MAP7D1: variants seen among roughly 807,000 people sequenced by gnomAD.
MAP7D1 encodes MAP7 domain-containing protein 1.
MAP7D1 carries 30 observed loss-of-function variants against 97.5 expected under a neutral mutation model. That is an observed-to-expected ratio of 0.31 (90% CI 0.23 to 0.42). MAP7D1 has a LOEUF of 0.42. MAP7D1 is among the 10% of genes least tolerant of loss of function. The pLI, the probability that MAP7D1 is intolerant of heterozygous loss-of-function variation, is 1.00. For missense variants in MAP7D1, 1,184 were observed against 1,179.5 expected (o/e 1.00, Z -0.06); for synonymous variants, 536 against 477.1 (o/e 1.12, Z -1.61).
At chr1:36,171,977 T>G in intron 3 of MAP7D1, 1 of 208,110 alleles carries the variant, frequency 4.8e-6, no homozygotes, top group Admixed American at 5.5e-5. Flanking sequence ...TCTGCAACAC[T>G]TAATTATGTG....
Position 36,176,434 on chromosome 1 carries a change from G to A in MAP7D1, c.1086G>A (p.Pro362=), listed in dbSNP as rs1384179411. The A allele has an allele frequency of 2.6e-6, 4 of 1,521,360 alleles. No individual in the cohort carries two copies. In the African/African-American group the frequency reaches 4.3e-5, roughly 16 times the overall value. The allele number at this position is 1,521,360 out of a possible 1,614,324, so 94.2% of individuals were successfully genotyped here. A position where few individuals can be genotyped will look rare whatever the true frequency, so the allele number is the denominator to read the frequency against. The change falls in exon 7 of 17, where the codon CCG becomes CCA. Residue 362 remains proline, a synonymous_variant. Transcript: ENST00000474796. The surrounding 1 kb of genome is among the most constrained non-coding windows in gnomAD (Gnocchi z 6.1). The part of the protein sequence containing the change: ...THPSAAVPVC[P]RSASASPLTP... ...CCTCTGCAGCCGTGCCGGTGTGCCCGCGCTCGGCCTCCGCCAGCCCCCTGA... is the reference window on the plus strand; with the variant it reads ...CCTCTGCAGCCGTGCCGGTGTGCCCACGCTCGGCCTCCGCCAGCCCCCTGA...
At position 36,172,615 on chromosome 1, in the gene MAP7D1, C is replaced by G. The variant is rs774395234; in HGVS notation, c.612C>G (p.Leu204=). Residue 204 remains leucine (L), a synonymous_variant, in exon 4 of 17, where the codon CTC becomes CTG. Transcript: ENST00000474796. ...TGGAGGAACGGCAGCGGCAGAAGCTCGAGAAAAACAAGGTGCGGGATGGGT... is the reference window on the plus strand; with the variant it reads ...TGGAGGAACGGCAGCGGCAGAAGCTGGAGAAAAACAAGGTGCGGGATGGGT... ...AALEERQRQK[L]EKNKERYEAA... The G allele has an allele frequency of 1.3e-6, 2 of 1,568,038 alleles. No homozygotes were observed. Among genetic ancestry groups the G allele is most frequent in the Non-Finnish European group, 1.7e-6 (2 of 1,146,608 alleles).
rs904946664 is a variant in MAP7D1 at position 36,171,675 on chromosome 1, G to A, written c.460+94G>A. 8.0e-6 allele frequency: 11 copies of A among 1,376,710 alleles called. 1 individual carries two copies. The East Asian group carries it at 1.2e-4, about 15-fold the overall frequency. The allele number at this position is 1,376,710 out of a possible 1,614,324, so 85.3% of individuals were successfully genotyped here. On this transcript the variant is annotated intron_variant, in intron 3 of 16. Coordinates refer to ENST00000474796, the MANE Select transcript of MAP7D1 (RefSeq NM_001388490.1). The stretch of plus-strand genomic sequence containing the variant: ...GGCTGGGGCGCAGTGGCTCACGCCT[G>A]TAATCCCAGCACTTTGGGAGGCCGA...
rs112601844 is a variant in MAP7D1 at position 36,171,253 on chromosome 1, G to T, written c.329G>T (p.Arg110Leu). The stretch of plus-strand genomic sequence containing the variant: ...GGCCCACGGGATGCCAGACCTCCTC[G>T]AAGGAGCAGCCAGCCATCTCCAACA... ...AMGPRDARPP[R>L]RSSQPSPTAV... Residue 110 changes from arginine to leucine, a missense_variant, in exon 2 of 17, where the codon CGA (arginine) becomes CTA (leucine). Physicochemically the swap from Arg to Leu is moderately radical, Grantham distance 102. Coordinates refer to ENST00000474796, the MANE Select transcript of MAP7D1 (RefSeq NM_001388490.1). The T allele has an allele frequency of 1.3e-6, 2 of 1,599,790 alleles. No individual in the cohort carries two copies. Among genetic ancestry groups the T allele is most frequent in the African/African-American group, 2.7e-5 (2 of 74,302 alleles).
chr1:36,180,340 A>T lies in MAP7D1; in HGVS notation c.*82A>T. On this transcript the variant is annotated 3_prime_UTR_variant, in exon 17 of 17. Transcript: ENST00000474796. ...GGATGTCTGGAGGAGAAAAAGACAG[A>T]ACAAAGATGGAAGTGGCCTGGGCCC... 1 of 1,600,938 alleles carries T rather than the reference A, an allele frequency of 6.2e-7. No individual in the cohort carries two copies. Among genetic ancestry groups the T allele is most frequent in the Non-Finnish European group, 8.6e-7 (1 of 1,168,046 alleles).
At chr1:36,158,355 C>T (rs1020031438) in intron 1 of MAP7D1, among the ~76,000 whole-genome samples, 3 of 152,110 alleles carry the variant, frequency 2.0e-5, no homozygotes, top group African/African-American at 7.2e-5. Flanking sequence ...GTGCTCACAG[C>T]ATGTGCCCTG....
chr1:36,179,699 G>T lies in MAP7D1; in HGVS notation c.2261G>T (p.Gly754Val). 1 of 1,518,912 alleles carries T rather than the reference G, an allele frequency of 6.6e-7. No homozygotes were observed. The allele number at this position is 1,518,912 out of a possible 1,614,324, so 94.1% of individuals were successfully genotyped here. Reference sequence around the variant, plus strand: ...AAAGCTGTGGAGGCTCGGTCCCCAGGGCTGCAGAAGGAGGCTGTGCAGAAA... The same window carrying T: ...AAAGCTGTGGAGGCTCGGTCCCCAGTGCTGCAGAAGGAGGCTGTGCAGAAA... ...PVKAVEARSP[G>V]LQKEAVQKEE... Residue 754 changes from glycine (G) to valine (V), a missense_variant, in exon 15 of 17, where the codon GGG becomes GTG. Coordinates refer to ENST00000474796, the MANE Select transcript of MAP7D1 (RefSeq NM_001388490.1).
rs1644655674 is a variant in MAP7D1, at chr1:36,178,108, TCAG to T, written c.1620_1622del (p.Ala541del). 2.5e-6 allele frequency: 4 copies of T among 1,597,048 alleles called. No individual in the cohort carries two copies. The highest frequency in any genetic ancestry group is 3.4e-6 in the Non-Finnish European group (4 of 1,172,924). On this transcript the variant is annotated inframe_deletion, in exon 9 of 17. Transcript: ENST00000474796. ...GCGCAGGGCCAGTAACGAGAAGGAG[TCAG>T]CAGCCCCAGCCTCACCGGCACCTTC...
rs750333956 is a variant in MAP7D1 at position 36,176,823 on chromosome 1, A to G, written c.1360A>G (p.Ser454Gly). The change falls in exon 8 of 17, where the codon AGC (serine) becomes GGC (glycine). Residue 454 changes from serine to glycine, a missense_variant. By Grantham distance (56) the Ser-to-Gly change is moderately conservative. Coordinates refer to ENST00000474796, the MANE Select transcript of MAP7D1 (RefSeq NM_001388490.1). The surrounding 1 kb of genome is among the most constrained non-coding windows in gnomAD (Gnocchi z 6.1). ...PASPRARLSA[S>G]TASELSPKSK... Reference sequence around the variant, plus strand: ...CTCCCCACGTGCCCGCCTCTCTGCCAGCACCGCCTCTGAGCTCAGGTGGGC... The same window carrying G: ...CTCCCCACGTGCCCGCCTCTCTGCCGGCACCGCCTCTGAGCTCAGGTGGGC... The G allele has an allele frequency of 1.3e-6, 2 of 1,597,912 alleles. No homozygotes were observed.
chr1:36,167,285 A>C (rs1204492389), intron 1 of MAP7D1, among the ~76,000 whole-genome samples: 1 of 152,074 alleles, frequency 6.6e-6, no homozygotes, highest in Admixed American at 6.6e-5. Flanking sequence ...AAACTAGGAG[A>C]ATGTGCTGTC....
rs182049732 is a variant in MAP7D1, at chr1:36,167,290, G to T, written c.47-3681G>T. On this transcript the variant is annotated intron_variant, in intron 1 of 16. Coordinates refer to ENST00000474796, the MANE Select transcript of MAP7D1 (RefSeq NM_001388490.1). ...GGTAGAAGGAAAACTAGGAGAATGT[G>T]CTGTCTTCAAAGCCAGGTGAAGACA... 3.9e-5 allele frequency among the ~76,000 whole-genome samples: 6 copies of T among 152,284 alleles called. No individual in the cohort carries two copies. The East Asian group carries it at 9.6e-4, about 24-fold the overall frequency.
At position 36,156,246 on chromosome 1, in the gene MAP7D1, C is replaced by T; in HGVS notation, c.-172C>T. 1 of 467,134 alleles carries T rather than the reference C, an allele frequency of 2.1e-6. No individual in the cohort carries two copies. Among genetic ancestry groups the T allele is most frequent in the Non-Finnish European group, 3.6e-6 (1 of 276,596 alleles). The allele number at this position is 467,134 out of a possible 1,614,324, so 28.9% of individuals were successfully genotyped here. A position where few individuals can be genotyped will look rare whatever the true frequency, so the allele number is the denominator to read the frequency against. ...AGAGACCCCGGGCGACCGGCACCTC[C>T]GAGACTCGCGGGCCACCTGCCTCGA... is the stretch of plus-strand genomic sequence containing the variant. On this transcript the variant is annotated 5_prime_UTR_variant, in exon 1 of 17. Coordinates refer to ENST00000474796, the MANE Select transcript of MAP7D1 (RefSeq NM_001388490.1).
chr1:36,179,985 C>A lies in MAP7D1; in HGVS notation c.2430C>A (p.Ser810Arg), dbSNP rs762317778. The change falls in exon 16 of 17, where the codon AGC (serine) becomes AGA (arginine). Residue 810 changes from serine to arginine, a missense_variant. Ser to Arg is a moderately radical substitution (Grantham distance 110). Transcript: ENST00000474796. Reference sequence around the variant, plus strand: ...GACCCTCTGGGGACAAGAGTCTGAGCCGAACACCAGAGACACTCCTGCCCT... The same window carrying A: ...GACCCTCTGGGGACAAGAGTCTGAGACGAACACCAGAGACACTCCTGCCCT... Reference protein sequence around the residue: ...TNGPSGDKSLSRTPETLLPFA... With the variant: ...TNGPSGDKSLRRTPETLLPFA... 2.5e-5 allele frequency: 40 copies of A among 1,614,098 alleles called. No individual in the cohort carries two copies. The South Asian group carries it at 4.4e-4, about 18-fold the overall frequency.
chr1:36,171,488 G>C, intron 2 of MAP7D1, 25 bp from the exon 3 acceptor site: 1 of 1,613,752 alleles, frequency 6.2e-7, no homozygotes, highest in South Asian at 1.1e-5. Context: ...CTTTTGACCT[G>C]TCTGTTCTTG....
In MAP7D1 at chr1:36,178,404, C is replaced by T. The variant is rs761010927; in HGVS notation, c.1709-15C>T. 2.2e-5 allele frequency: 36 copies of T among 1,604,220 alleles called. No individual in the cohort carries two copies. The highest frequency in any genetic ancestry group is 3.1e-5 in the Non-Finnish European group (36 of 1,175,622). On this transcript the variant is annotated splice_polypyrimidine_tract_variant and intron_variant, in intron 9 of 16. Transcript: ENST00000474796. The stretch of plus-strand genomic sequence containing the variant: ...GCGTGGGTGTGCTGACGCCTGATCC[C>T]GGATCCCCCTCCAGACGCTGCTGTC...
In MAP7D1 at chr1:36,180,379, CTCTCTGTTGTT is replaced by C; in HGVS notation, c.*123_*133del. ...TGGCCTGGGCCCCTGGGGGTGGGTC[CTCTCTGTTGTT>C]TTTAATCTGCACCTTATAGACTGAT... On this transcript the variant is annotated 3_prime_UTR_variant, in exon 17 of 17. Coordinates refer to ENST00000474796, the MANE Select transcript of MAP7D1 (RefSeq NM_001388490.1). 7.1e-7 allele frequency: 1 copy of C among 1,400,956 alleles called. No homozygotes were observed. The highest frequency in any genetic ancestry group is 1.0e-6 in the Non-Finnish European group (1 of 988,390). The allele number at this position is 1,400,956 out of a possible 1,614,324, so 86.8% of individuals were successfully genotyped here.
At chr1:36,177,570 G>A in intron 8 of MAP7D1, 1 of 662,406 alleles carries the variant, frequency 1.5e-6, no homozygotes, top group Non-Finnish European at 2.9e-6. Context: ...GAATGGACCT[G>A]TCAGGTAGCA....
Position 36,179,259 on chromosome 1 carries a change from C to A in MAP7D1, c.2131-3C>A. The A allele has an allele frequency of 6.2e-7, 1 of 1,613,950 alleles. No individual in the cohort carries two copies. The highest frequency in any genetic ancestry group is 8.5e-7 in the Non-Finnish European group (1 of 1,179,930). ...GCCTAACTGATCTGCGGCCTCCAAA[C>A]AGCGTCTGGAGGAGATCATGAAGAG... On this transcript the variant is annotated splice_region_variant and splice_polypyrimidine_tract_variant and intron_variant, in intron 12 of 16. Transcript: ENST00000474796.
chr1:36,176,507 G>A lies in MAP7D1; in HGVS notation c.1159G>A (p.Glu387Lys), dbSNP rs1246823229. The change falls in exon 7 of 17, where the codon GAG (glutamate) becomes AAG (lysine). Residue 387 changes from glutamate (E) to lysine (K), a missense_variant. Glu to Lys is a moderately conservative substitution (Grantham distance 56). Coordinates refer to ENST00000474796, the MANE Select transcript of MAP7D1 (RefSeq NM_001388490.1). This position sits in a 1 kb window ranked among gnomAD's most constrained non-coding sequence, Gnocchi z 6.1. ...CGTGCACCGCTGCGCCCCCGCCGGT[G>A]AGCGCGGGGAGCGCCGCAAGCCCAA... ...RSVHRCAPAGERGERRKPNAG... is the reference protein window; with the variant it reads ...RSVHRCAPAGKRGERRKPNAG... 2.3e-6 allele frequency: 3 copies of A among 1,326,830 alleles called. No homozygotes were observed. Among genetic ancestry groups the A allele is most frequent in the African/African-American group, 3.2e-5 (2 of 63,240 alleles). The allele number at this position is 1,326,830 out of a possible 1,614,324, so 82.2% of individuals were successfully genotyped here.
Sources: gnomAD v4.1 joint callset for allele counts (sites outside exome capture counted in the v4.1 genomes callset) on GRCh38, gnomAD v4.1.1 for gene constraint, Gnocchi (gnomAD v3.1) non-coding constraint, MANE v1.5 for transcripts, NCBI Gene and HGNC (gene_info 2026-07-23, HGNC 2026-07-21) for gene names.